The following STK32B variants were observed in gnomAD, a reference collection of about 807,000 sequenced individuals.
The protein encoded by STK32B is serine/threonine kinase 32B.
STK32B carries 43 observed loss-of-function variants against 52.6 expected under a neutral mutation model. The observed-to-expected ratio is 0.82, with a 90% CI of 0.64 to 1.05. The LOEUF is 1.05. Among genes scored for constraint, STK32B ranks in the 50% least tolerant of loss-of-function variants. The pLI is 0.00. For missense variants in STK32B, 621 were observed against 534.6 expected, an observed-to-expected ratio of 1.16 and a Z score of -1.59; for synonymous variants, 238 against 204.3, an observed-to-expected ratio of 1.17 and a Z score of -1.41.
chr4:5,271,088 C>T (rs1291452116), intron 3 of STK32B, among the ~76,000 whole-genome samples: 1 of 152,058 alleles, frequency 6.6e-6, no homozygotes, highest in Non-Finnish European at 1.5e-5. Context: ...CAGGTGCATG[C>T]CACCATGCCC....
intron 2 of STK32B, among the ~76,000 whole-genome samples, chr4:5,165,903 C>T (rs2108732723): frequency 6.6e-6 from 1 of 152,304 alleles, no homozygotes; most frequent in African/African-American, 2.4e-5. Flanking sequence ...ATGCAGTTGA[C>T]ATTTATCGTC....
intron 4 of STK32B, among the ~76,000 whole-genome samples, chr4:5,358,366 A>G (rs1734312612): frequency 6.6e-6 from 1 of 152,218 alleles, no homozygotes; most frequent in African/African-American, 2.4e-5. Context: ...CAAGACGATG[A>G]ATGTGGCATC....
At chr4:5,180,278 G>T (rs183466087) in intron 3 of STK32B, among the ~76,000 whole-genome samples, 4 of 152,358 alleles carry the variant, frequency 2.6e-5, no homozygotes, top group South Asian at 4.1e-4. Flanking sequence ...AATGCTTCCA[G>T]TTCTTACAGG....
chr4:5,212,254 G>A (rs1722949946), intron 3 of STK32B, among the ~76,000 whole-genome samples: 1 of 152,170 alleles, frequency 6.6e-6, no homozygotes. Flanking sequence ...CAGAGGCATA[G>A]CATGCAGAAA....
intron 2 of STK32B, among the ~76,000 whole-genome samples, chr4:5,141,352 C>T (rs927329236): frequency 1.3e-5 from 2 of 152,242 alleles, no homozygotes; most frequent in Admixed American, 6.5e-5. Flanking sequence ...GCAGAGGGAA[C>T]TTCAAGTGCA....
At chr4:5,200,523 C>T (rs1287034635) in intron 3 of STK32B, among the ~76,000 whole-genome samples, 1 of 152,142 alleles carries the variant, frequency 6.6e-6, no homozygotes, top group Non-Finnish European at 1.5e-5. Context: ...GACAGTAGAG[C>T]AGGCCCACAG....
At chr4:5,285,476 G>A (rs1315960925) in intron 3 of STK32B, among the ~76,000 whole-genome samples, 1 of 152,080 alleles carries the variant, frequency 6.6e-6, no homozygotes. Context: ...TGAAAGACAG[G>A]ACATAATAGG....
In STK32B at chr4:5,265,105, G is replaced by A. The variant is rs1577265090; in HGVS notation, c.261-66115G>A. Among the ~76,000 whole-genome samples the A allele has an allele frequency of 2.6e-5, 4 of 152,250 alleles. No individual in the cohort carries two copies. In the South Asian group the frequency reaches 8.3e-4, roughly 32 times the overall value. ...ACATTATCTTTGTCAATGGTGTGAAGTAGCCATTGATATTTTTAATCCCAT... is the reference window on the plus strand; with the variant it reads ...ACATTATCTTTGTCAATGGTGTGAAATAGCCATTGATATTTTTAATCCCAT... On this transcript the variant is annotated intron_variant, in intron 3 of 11. Coordinates refer to ENST00000282908, the MANE Select transcript of STK32B (RefSeq NM_018401.3).
intron 3 of STK32B, among the ~76,000 whole-genome samples, chr4:5,258,828 G>A (rs1726510758): frequency 6.6e-6 from 1 of 152,146 alleles, no homozygotes; most frequent in Non-Finnish European, 1.5e-5. Context: ...GCCAGGTCAT[G>A]TCATTCCTCT....
chr4:5,372,726 G>C lies in STK32B; in HGVS notation c.435-25481G>C, dbSNP rs144932802. Among the ~76,000 whole-genome samples, 6 of 150,412 alleles carry C rather than the reference G, an allele frequency of 4.0e-5. No individual in the cohort carries two copies. The East Asian group carries it at 7.9e-4, about 20-fold the overall frequency. ...GGCCTCAGCAGGAGAAAGTTGGGGGGGGGGGCGGTTATTTCAGACTAATAG... is the reference window on the plus strand; with the variant it reads ...GGCCTCAGCAGGAGAAAGTTGGGGGCGGGGGCGGTTATTTCAGACTAATAG... On this transcript the variant is annotated intron_variant, in intron 4 of 11. Coordinates refer to ENST00000282908, the MANE Select transcript of STK32B (RefSeq NM_018401.3).
Position 5,262,747 on chromosome 4 carries a change from T to C in STK32B, c.261-68473T>C, listed in dbSNP as rs1314515707. On this transcript the variant is annotated intron_variant, in intron 3 of 11. Transcript: ENST00000282908. ...ATGTAAATGTGATCTCATTTTCATA[T>C]TAAATACATAGAGAGGACTTTGCTG... is the stretch of plus-strand genomic sequence containing the variant. Among the ~76,000 whole-genome samples the C allele has an allele frequency of 3.9e-5, 6 of 152,280 alleles. No individual in the cohort carries two copies. In the East Asian group the frequency reaches 1.2e-3, roughly 29 times the overall value.
intron 11 of STK32B, among the ~76,000 whole-genome samples, chr4:5,480,922 T>C (rs1168063798): frequency 6.6e-6 from 1 of 152,204 alleles, no homozygotes; most frequent in Non-Finnish European, 1.5e-5. Flanking sequence ...TCATCATTTT[T>C]TATGGCTGCA....
intron 4 of STK32B, among the ~76,000 whole-genome samples, chr4:5,392,845 C>G (rs983718356): frequency 1.1e-4 from 16 of 152,204 alleles, no homozygotes; most frequent in Non-Finnish European, 2.1e-4. Context: ...ACAACCAACA[C>G]TCAATAAAGT....
chr4:5,172,537 A>T (rs1719472800), intron 3 of STK32B, among the ~76,000 whole-genome samples: 1 of 152,098 alleles, frequency 6.6e-6, no homozygotes, highest in Admixed American at 6.5e-5. Flanking sequence ...GAATTTTGTC[A>T]AAGGCCTTTT....
At chr4:5,298,347 C>T (rs773719054) in intron 3 of STK32B, among the ~76,000 whole-genome samples, 18 of 152,208 alleles carry the variant, frequency 1.2e-4, no homozygotes, top group Admixed American at 2.0e-4. Flanking sequence ...TCAGAGCTGA[C>T]AGGCAGGAAT....
chr4:5,438,652 G>T (rs557262981), intron 6 of STK32B, among the ~76,000 whole-genome samples: 12 of 152,260 alleles, frequency 7.9e-5, no homozygotes, highest in Non-Finnish European at 1.5e-4. Context: ...TGCACATTGT[G>T]CAGGTTAGTT....
chr4:5,481,268 T>C (rs1328551421), intron 11 of STK32B, among the ~76,000 whole-genome samples: 5 of 152,146 alleles, frequency 3.3e-5, no homozygotes, highest in Admixed American at 1.3e-4. Flanking sequence ...TTTTAATGAT[T>C]GCCATTCTAA....
At chr4:5,043,664 C>A in the STK32B span, among the ~76,000 whole-genome samples, 1 of 152,232 alleles carries the variant, frequency 6.6e-6, no homozygotes, top group Non-Finnish European at 1.5e-5. Flanking sequence ...CTCTGCTACT[C>A]CTCGGAGTGC....
At chr4:5,253,536 C>T (rs1726087156) in intron 3 of STK32B, among the ~76,000 whole-genome samples, 1 of 151,998 alleles carries the variant, frequency 6.6e-6, no homozygotes, top group African/African-American at 2.4e-5. Flanking sequence ...CACTACTGCC[C>T]AGCCAAGTTT....
Sources: gnomAD v4.1 joint callset for allele counts (sites outside exome capture counted in the v4.1 genomes callset) on GRCh38, gnomAD v4.1.1 for gene constraint, MANE v1.5 for transcripts, NCBI Gene and HGNC (gene_info 2026-07-23, HGNC 2026-07-21) for gene names.